Variants in RIMBP2 observed in about 807,000 individuals in gnomAD.
RIMBP2 encodes the protein RIMS binding protein 2, also known as RIMS-binding protein 2.
In RIMBP2, 48 loss-of-function variants were observed where a neutral mutation model predicts 118.6. The observed-to-expected ratio is 0.40, with a 90% confidence interval of 0.32 to 0.51. RIMBP2 has a LOEUF of 0.51. Ranked by LOEUF, RIMBP2 falls within the 20% of genes least tolerant of loss-of-function variation. The probability of loss-of-function intolerance (pLI) is 0.41; values close to 1 mark genes in which losing one functional copy is unlikely to be tolerated. For synonymous variants in RIMBP2, 762 were observed against 742.9 expected (o/e 1.03, Z -0.42); for missense variants, 1,551 against 1,768.3 (o/e 0.88, Z 2.20).
rs560745396 is a variant in RIMBP2 at position 130,422,798 on chromosome 12, TG to T, written c.3130-238del. Among the ~76,000 whole-genome samples the T allele has an allele frequency of 2.6e-5, 4 of 152,046 alleles. No individual in the cohort carries two copies. The highest frequency in any genetic ancestry group is 5.9e-5 in the Non-Finnish European group (4 of 67,990). On this transcript the variant is annotated intron_variant, in intron 16 of 22. Coordinates refer to ENST00000690449, the MANE Select transcript of RIMBP2 (RefSeq NM_001393629.1). This position sits in a 1 kb window ranked among gnomAD's most constrained non-coding sequence, Gnocchi z 5.2. ...GGGTGAGGGCAAAAATAATTCCTTG[TG>T]GGGGGGTCTCTTTTGGTTGCTGCTG... is the stretch of plus-strand genomic sequence containing the variant.
chr12:130,696,509 C>T (rs551474742), intron 1 of RIMBP2, among the ~76,000 whole-genome samples: 3 of 152,222 alleles, frequency 2.0e-5, no homozygotes, highest in African/African-American at 7.2e-5. Flanking sequence ...TGTAAAGTAA[C>T]AATTAATATA....
intron 6 of RIMBP2, among the ~76,000 whole-genome samples, chr12:130,460,782 G>A (rs962837299): frequency 2.0e-5 from 3 of 152,072 alleles, no homozygotes; most frequent in Non-Finnish European, 2.9e-5. Flanking sequence ...GCCTGGCGCC[G>A]GGGACATCCA....
intron 6 of RIMBP2, among the ~76,000 whole-genome samples, chr12:130,460,301 C>T (rs1381142351): frequency 6.6e-6 from 1 of 152,154 alleles, no homozygotes; most frequent in African/African-American, 2.4e-5. Flanking sequence ...GCTGGAAGTG[C>T]CGTCAGCAGC....
intron 6 of RIMBP2, among the ~76,000 whole-genome samples, chr12:130,457,363 G>A (rs1017676275): frequency 2.6e-5 from 4 of 152,144 alleles, no homozygotes; most frequent in Admixed American, 6.5e-5. Context: ...CCAGGGACAC[G>A]CACAGGAAAG....
At chr12:130,655,458 G>T (rs2063385835) in intron 1 of RIMBP2, among the ~76,000 whole-genome samples, 1 of 152,176 alleles carries the variant, frequency 6.6e-6, no homozygotes. Flanking sequence ...GACCAAGGAG[G>T]GGTGGGCAGG....
intron 2 of RIMBP2, among the ~76,000 whole-genome samples, chr12:130,530,294 A>G (rs2139310836): frequency 6.6e-6 from 1 of 152,252 alleles, no homozygotes; most frequent in African/African-American, 2.4e-5. Context: ...ATTTTTTTCT[A>G]TATGTGATTT....
At chr12:130,504,938 T>C (rs1246203589) in intron 4 of RIMBP2, among the ~76,000 whole-genome samples, 2 of 152,182 alleles carry the variant, frequency 1.3e-5, no homozygotes, top group Non-Finnish European at 2.9e-5. Context: ...AGAACCATCT[T>C]TCATGGCTTT....
At chr12:130,580,166 C>T (rs1166488856) in intron 2 of RIMBP2, among the ~76,000 whole-genome samples, 2 of 150,686 alleles carry the variant, frequency 1.3e-5, no homozygotes, top group East Asian at 2.0e-4. Context: ...CCACTGCCTT[C>T]CAGCCTGGGT....
chr12:130,494,755 C>T (rs1289202672), intron 4 of RIMBP2, among the ~76,000 whole-genome samples: 1 of 152,230 alleles, frequency 6.6e-6, no homozygotes, highest in South Asian at 2.1e-4. Flanking sequence ...GACACACCCT[C>T]TTCCCTGCTG....
At chr12:130,430,177 G>A (rs1051595639) in intron 14 of RIMBP2, 2 of 152,300 alleles carry the variant, frequency 1.3e-5, no homozygotes, top group African/African-American at 4.8e-5. Context: ...TGGGACCAGG[G>A]TCCAGGTCTG....
chr12:130,618,751 A>G (rs2061116440), intron 2 of RIMBP2, among the ~76,000 whole-genome samples: 1 of 152,218 alleles, frequency 6.6e-6, no homozygotes, highest in African/African-American at 2.4e-5. Context: ...ATAATCTTAA[A>G]GTCAAAATTT....
chr12:130,709,750 C>A (rs1008786136), intron 1 of RIMBP2, among the ~76,000 whole-genome samples: 2 of 151,866 alleles, frequency 1.3e-5, no homozygotes, highest in African/African-American at 4.8e-5. Flanking sequence ...CCCAACCCAG[C>A]GGCCCGTTCC....
intron 1 of RIMBP2, among the ~76,000 whole-genome samples, chr12:130,636,299 T>G (rs931371): frequency 6.6e-6 from 1 of 152,148 alleles, no homozygotes; most frequent in East Asian, 1.9e-4. Context: ...CTGGCACTCT[T>G]GAGCACCACA....
At chr12:130,421,485 G>A (rs1021528656) in intron 17 of RIMBP2, among the ~76,000 whole-genome samples, 1 of 152,184 alleles carries the variant, frequency 6.6e-6, no homozygotes, top group Non-Finnish European at 1.5e-5. Context: ...CAAAGAATCT[G>A]TTTTGCTTTA....
At chr12:130,641,767 C>T (rs2062633782) in intron 1 of RIMBP2, among the ~76,000 whole-genome samples, 1 of 152,130 alleles carries the variant, frequency 6.6e-6, no homozygotes, top group African/African-American at 2.4e-5. Flanking sequence ...GCCCCTTATG[C>T]TTGGCTGGAG....
chr12:130,573,264 T>C (rs1332149569), intron 2 of RIMBP2, among the ~76,000 whole-genome samples: 1 of 151,994 alleles, frequency 6.6e-6, no homozygotes, highest in Non-Finnish European at 1.5e-5. Context: ...AATAACAAAG[T>C]AAAAGACTCG....
intron 1 of RIMBP2, among the ~76,000 whole-genome samples, chr12:130,644,154 T>C (rs184309048): frequency 2.0e-5 from 3 of 152,298 alleles, no homozygotes; most frequent in Admixed American, 1.3e-4. Context: ...CAGGGGCCTG[T>C]AGCCTCTCCC....
intron 1 of RIMBP2, among the ~76,000 whole-genome samples, chr12:130,693,924 G>T (rs2065451646): frequency 6.6e-6 from 1 of 152,200 alleles, no homozygotes; most frequent in Admixed American, 6.5e-5. Context: ...AGACAGGATT[G>T]TTGTCATCAA....
chr12:130,519,314 T>C (rs948196111), intron 2 of RIMBP2, among the ~76,000 whole-genome samples: 5 of 152,214 alleles, frequency 3.3e-5, no homozygotes, highest in African/African-American at 1.2e-4. Flanking sequence ...CCTTTTTTCT[T>C]AGCCACAGTC....
Sources: allele counts gnomAD v4.1 joint callset (sites outside exome capture counted in the v4.1 genomes callset), GRCh38; gene constraint gnomAD v4.1.1; non-coding constraint Gnocchi (gnomAD v3.1); transcripts MANE v1.5; gene names NCBI Gene and HGNC (gene_info 2026-07-23, HGNC 2026-07-21).